DNAH9: variants seen among roughly 807,000 people sequenced by gnomAD.
The protein encoded by DNAH9 is DNAH9 variant protein.
Under a neutral mutation model 471.6 loss-of-function variants are expected in DNAH9, and 345 were observed. The ratio of observed to expected loss-of-function variants is 0.73; its 90% CI spans 0.67 to 0.80. The LOEUF (loss-of-function observed/expected upper bound fraction) is 0.80, where lower values mean the gene tolerates loss of function less well. Ranked by LOEUF, DNAH9 falls within the 30% of genes least tolerant of loss-of-function variation. The pLI is 0.00. For missense variants in DNAH9, 5,407 were observed against 5,609.2 expected, an observed-to-expected ratio of 0.96 and a Z score of 1.15; for synonymous variants, 2,093 against 2,123.6, an observed-to-expected ratio of 0.99 and a Z score of 0.40.
In DNAH9 at chr17:11,923,949, C is replaced by A; in HGVS notation, c.11877+8C>A. 1 of 1,613,176 alleles carries A rather than the reference C, an allele frequency of 6.2e-7. No individual in the cohort carries two copies. The highest frequency in any genetic ancestry group is 1.1e-5 in the South Asian group (1 of 90,946). ...CACTGGGTTATTTTGCAGGTATGTT[C>A]CTCTACCCTTGTCTGGGTTATCTTG... On this transcript the variant is annotated splice_region_variant and intron_variant, in intron 62 of 68. Coordinates refer to ENST00000262442, the MANE Select transcript of DNAH9 (RefSeq NM_001372.4).
intron 58 of DNAH9, among the ~76,000 whole-genome samples, chr17:11,894,085 C>T (rs1382154744): frequency 6.6e-6 from 1 of 152,144 alleles, no homozygotes; most frequent in Non-Finnish European, 1.5e-5. Flanking sequence ...ATTGCAGAAA[C>T]ATACTCCATG....
intron 32 of DNAH9, among the ~76,000 whole-genome samples, chr17:11,749,473 A>T (rs1967060120): frequency 6.6e-6 from 1 of 152,002 alleles, no homozygotes; most frequent in South Asian, 2.1e-4. Flanking sequence ...TTGTCTATAG[A>T]CACTTTATTC....
intron 45 of DNAH9, among the ~76,000 whole-genome samples, chr17:11,819,928 T>G (rs1275838982): frequency 6.6e-6 from 1 of 152,186 alleles, no homozygotes; most frequent in African/African-American, 2.4e-5. Flanking sequence ...TTAAACATTT[T>G]ATTTTATTTT....
chr17:11,728,841 T>C (rs1567754581), intron 28 of DNAH9, among the ~76,000 whole-genome samples: 1 of 152,322 alleles, frequency 6.6e-6, no homozygotes, highest in East Asian at 1.9e-4. Context: ...CCATTATGTA[T>C]GTGGAAAAGC....
Position 11,744,974 on chromosome 17 carries a change from C to T in DNAH9, c.6289C>T (p.Leu2097Phe), listed in dbSNP as rs771595078. 6.2e-7 allele frequency: 1 copy of T among 1,614,144 alleles called. No individual in the cohort carries two copies. Among genetic ancestry groups the T allele is most frequent in the Non-Finnish European group, 8.5e-7 (1 of 1,179,996 alleles). ...MPIFMGLIGD[L>F]FPALDVPRRR... ...CATCTTCATGGGCCTGATCGGGGAC[C>T]TCTTTCCCGCCCTGGATGTCCCCCG... Residue 2097 changes from leucine to phenylalanine, a missense_variant, in exon 31 of 69, where the codon CTC becomes TTC. Leu to Phe is a conservative substitution (Grantham distance 22). Coordinates refer to ENST00000262442, the MANE Select transcript of DNAH9 (RefSeq NM_001372.4).
At chr17:11,948,415 A>C (rs1975226305) in intron 67 of DNAH9, among the ~76,000 whole-genome samples, 1 of 151,468 alleles carries the variant, frequency 6.6e-6, no homozygotes, top group Admixed American at 6.6e-5. Context: ...TTTTTACTAG[A>C]GATGAGGTTT....
intron 22 of DNAH9, among the ~76,000 whole-genome samples, chr17:11,695,271 T>G (rs1403573404): frequency 6.6e-6 from 1 of 152,120 alleles, no homozygotes; most frequent in Non-Finnish European, 1.5e-5. Context: ...AACAAAGAAC[T>G]GAGAAACTTT....
At chr17:11,813,316 C>T (rs1030307542) in intron 45 of DNAH9, among the ~76,000 whole-genome samples, 2 of 151,998 alleles carry the variant, frequency 1.3e-5, no homozygotes, top group African/African-American at 4.8e-5. Flanking sequence ...TCTTCTAACC[C>T]ACCCCCTTTT....
chr17:11,665,118 G>T, intron 15 of DNAH9, 150 bp downstream of exon 15: 1 of 691,260 alleles, frequency 1.4e-6, no homozygotes, highest in Non-Finnish European at 2.4e-6. Flanking sequence ...AACAGAAAAG[G>T]TATCGAACTT....
intron 19 of DNAH9, 94 bp from the exon 20 acceptor site, chr17:11,689,472 G>A (rs2074295943): frequency 1.9e-6 from 2 of 1,052,764 alleles, no homozygotes; most frequent in Admixed American, 4.6e-5. Flanking sequence ...AAAACACCAA[G>A]CATTTAAATA....
chr17:11,873,776 T>C (rs60899979), intron 52 of DNAH9, among the ~76,000 whole-genome samples: 1,442 of 128,380 alleles, frequency 0.011, 34 homozygotes, highest in African/African-American at 0.041. Context: ...TGAATGAGTA[T>C]GGGATTTGGG....
chr17:11,852,814 GTATATATATATATATATATA>G (rs58555259), intron 49 of DNAH9, among the ~76,000 whole-genome samples: 2,069 of 92,732 alleles, frequency 0.022, 169 homozygotes, highest in African/African-American at 0.065. Context: ...GTGTGTGTGT[GTATATATATATATATATATA>G]TATATATATA....
chr17:11,667,964 A>G (rs2073902400), intron 15 of DNAH9, among the ~76,000 whole-genome samples: 1 of 152,238 alleles, frequency 6.6e-6, no homozygotes, highest in African/African-American at 2.4e-5. Context: ...TCTGCCACCC[A>G]CAGTATCCAG....
At chr17:11,944,854 T>C (rs1324072373) in intron 67 of DNAH9, among the ~76,000 whole-genome samples, 1 of 152,134 alleles carries the variant, frequency 6.6e-6, no homozygotes, top group Non-Finnish European at 1.5e-5. Context: ...AAGCACAGCA[T>C]GAAGGTAAGA....
chr17:11,680,226 A>G (rs946995804), intron 18 of DNAH9, among the ~76,000 whole-genome samples: 1 of 150,874 alleles, frequency 6.6e-6, no homozygotes, highest in Non-Finnish European at 1.5e-5. Context: ...ATAGAAATGA[A>G]CCAATGTTTT....
intron 50 of DNAH9, among the ~76,000 whole-genome samples, chr17:11,856,476 G>T (rs1009204895): frequency 1.3e-5 from 2 of 151,504 alleles, no homozygotes; most frequent in Non-Finnish European, 2.9e-5. Flanking sequence ...AAGGCAGGAG[G>T]ATCATGAGGC....
intron 65 of DNAH9, among the ~76,000 whole-genome samples, chr17:11,935,670 G>A (rs537641526): frequency 2.6e-5 from 4 of 152,204 alleles, no homozygotes; most frequent in South Asian, 2.1e-4. Context: ...CACCGCGCCC[G>A]GCCCGAAAGA....
intron 51 of DNAH9, among the ~76,000 whole-genome samples, chr17:11,869,624 C>A (rs1217017646): frequency 6.6e-6 from 1 of 152,044 alleles, no homozygotes; most frequent in Non-Finnish European, 1.5e-5. Context: ...AAGGGTGTGG[C>A]CAAGATTAGG....
intron 67 of DNAH9, among the ~76,000 whole-genome samples, chr17:11,958,275 G>C (rs1302718626): frequency 1.3e-5 from 2 of 152,134 alleles, no homozygotes; most frequent in Non-Finnish European, 2.9e-5. Flanking sequence ...GGCATGAGTA[G>C]GTCAAGCACA....
Sources: gnomAD v4.1 joint callset for allele counts (sites outside exome capture counted in the v4.1 genomes callset) on GRCh38, gnomAD v4.1.1 for gene constraint, MANE v1.5 for transcripts, NCBI Gene and HGNC (gene_info 2026-07-23, HGNC 2026-07-21) for gene names.